The following MATN2 variants were observed in gnomAD, a reference collection of about 807,000 sequenced individuals.
The protein encoded by MATN2 is matrilin 2, also known as matrilin-2.
Under a neutral mutation model 103.2 loss-of-function variants are expected in MATN2, and 69 were observed. The observed-to-expected ratio is 0.67, with a 90% CI of 0.55 to 0.82. The LOEUF (loss-of-function observed/expected upper bound fraction) is 0.82. MATN2 is among the 40% of genes least tolerant of loss of function. The pLI is 0.00. For missense variants in MATN2, 1,023 were observed against 1,211.5 expected (o/e 0.84, Z 2.31); for synonymous variants, 429 against 450.2 (o/e 0.95, Z 0.60).
chr8:98,016,613 C>G lies in MATN2; in HGVS notation c.1647C>G (p.Cys549Trp), dbSNP rs748432482. The change falls in exon 11 of 19, where the codon TGC becomes TGG. Residue 549 changes from cysteine (C) to tryptophan (W), a missense_variant. Cys to Trp is a radical substitution (Grantham distance 215). Transcript: ENST00000254898. ...TAAGCAGTGAAGATTCGTTTGTGTG[C>G]CAGTGCTTTGAAGGTTATATACTCC... ...SCVSSEDSFV[C>W]QCFEGYILRE... 1 of 1,611,940 alleles carries G rather than the reference C, an allele frequency of 6.2e-7. No homozygotes were observed. Among genetic ancestry groups the G allele is most frequent in the African/African-American group, 1.3e-5 (1 of 74,874 alleles).
At chr8:98,028,690 T>C (rs1301872682) in intron 14 of MATN2, among the ~76,000 whole-genome samples, 1 of 152,054 alleles carries the variant, frequency 6.6e-6, no homozygotes, top group African/African-American at 2.4e-5. Flanking sequence ...AGGTTCACGC[T>C]ATTCTCCTGC....
chr8:97,883,146 A>G (rs1185404439), intron 1 of MATN2, among the ~76,000 whole-genome samples: 1 of 151,940 alleles, frequency 6.6e-6, no homozygotes, highest in Non-Finnish European at 1.5e-5. Flanking sequence ...TCTACTAAAA[A>G]TACAAAAATT....
At position 98,026,055 on chromosome 8, in the gene MATN2, T is replaced by G. The variant is rs141912515; in HGVS notation, c.1943-1361T>G. 7.2e-3 allele frequency among the ~76,000 whole-genome samples: 1,086 copies of G among 151,860 alleles called. 12 individuals carry two copies. The highest frequency in any genetic ancestry group is 0.055 in the Middle Eastern group (16 of 292). The stretch of plus-strand genomic sequence containing the variant: ...CTAGCCAGGCATGGTAGCGTGTGCC[T>G]GTAATCCCGGCTACTTGGGAGGTTG... On this transcript the variant is annotated intron_variant, in intron 13 of 18. Coordinates refer to ENST00000254898, the MANE Select transcript of MATN2 (RefSeq NM_002380.5).
At chr8:97,940,211 A>G (rs1810508241) in intron 3 of MATN2, among the ~76,000 whole-genome samples, 1 of 152,184 alleles carries the variant, frequency 6.6e-6, no homozygotes, top group Middle Eastern at 3.2e-3. Flanking sequence ...AGGCTGATGT[A>G]GGAGAATCGC....
At chr8:97,969,748 C>T (rs1811596189) in intron 5 of MATN2, among the ~76,000 whole-genome samples, 1 of 152,182 alleles carries the variant, frequency 6.6e-6, no homozygotes, top group African/African-American at 2.4e-5. Context: ...CACAGATTCA[C>T]CGCTGCAAAC....
intron 7 of MATN2, among the ~76,000 whole-genome samples, chr8:97,998,854 T>TA (rs1414956994): frequency 6.6e-6 from 1 of 152,168 alleles, no homozygotes; most frequent in African/African-American, 2.4e-5. Context: ...ATATATAACA[T>TA]AAAATGTACC....
chr8:97,902,569 A>G (rs554579171), intron 2 of MATN2, among the ~76,000 whole-genome samples: 8 of 152,120 alleles, frequency 5.3e-5, no homozygotes, highest in African/African-American at 1.9e-4. Context: ...ATTCTCATAG[A>G]TCACAAAGCT....
At chr8:97,951,447 C>T (rs1810948941) in intron 4 of MATN2, among the ~76,000 whole-genome samples, 2 of 152,046 alleles carry the variant, frequency 1.3e-5, no homozygotes, top group Non-Finnish European at 2.9e-5. Context: ...GTGTGGTCCC[C>T]CCGGAAAACA....
Position 97,894,600 on chromosome 8 carries a change from G to A in MATN2, c.142+6358G>A, listed in dbSNP as rs189124915. On this transcript the variant is annotated intron_variant, in intron 2 of 18. Transcript: ENST00000254898. ...GCCTCCCAAAGTGTTGGGATTACAA[G>A]TGTGAACCATTCCTCCTGGCAGAAT... Among the ~76,000 whole-genome samples the A allele has an allele frequency of 1.3e-4, 20 of 152,222 alleles. No homozygotes were observed. The East Asian group carries it at 3.7e-3, about 28-fold the overall frequency.
intron 1 of MATN2, among the ~76,000 whole-genome samples, chr8:97,874,120 T>A (rs778068110): frequency 6.6e-6 from 1 of 152,228 alleles, no homozygotes; most frequent in Non-Finnish European, 1.5e-5. Context: ...ACGGTGTCTG[T>A]ACTAGTTTCC....
chr8:97,897,481 C>G (rs1045603281), intron 2 of MATN2, among the ~76,000 whole-genome samples: 2 of 152,226 alleles, frequency 1.3e-5, no homozygotes, highest in Admixed American at 1.3e-4. Flanking sequence ...CAGCCTCTTA[C>G]AGCACAGCAG....
intron 4 of MATN2, among the ~76,000 whole-genome samples, chr8:97,956,966 T>C (rs750622182): frequency 6.6e-6 from 1 of 152,232 alleles, no homozygotes; most frequent in East Asian, 1.9e-4. Flanking sequence ...ACCAAATACA[T>C]GTGCTAGGAC....
intron 12 of MATN2, among the ~76,000 whole-genome samples, chr8:98,019,647 C>T (rs957055589): frequency 3.3e-5 from 5 of 152,152 alleles, no homozygotes; most frequent in African/African-American, 4.8e-5. Flanking sequence ...GGATGTCATA[C>T]GAGCTCAGTG....
chr8:98,027,806 G>A lies in MATN2; in HGVS notation c.2333G>A (p.Trp778Ter). The A allele has an allele frequency of 6.3e-7, 1 of 1,580,970 alleles. No individual in the cohort carries two copies. Among genetic ancestry groups the A allele is most frequent in the Non-Finnish European group, 8.6e-7 (1 of 1,165,304 alleles). ...DGRAQDDVSE[W>*]ASKAKANGIT... ...CGGGCTCAGGATGACGTCTCCGAGT[G>A]GGCCAGTAAAGCCAAGGCCAATGGT... is the stretch of plus-strand genomic sequence containing the variant. The change falls in exon 14 of 19, where the codon TGG (tryptophan) becomes TAG (stop). Residue 778 changes from tryptophan (W) to a stop codon, truncating the protein, a stop_gained. Coordinates refer to ENST00000254898, the MANE Select transcript of MATN2 (RefSeq NM_002380.5). LOFTEE classifies it high-confidence loss of function.
intron 1 of MATN2, among the ~76,000 whole-genome samples, chr8:97,869,596 C>T (rs151210162): frequency 8.2e-4 from 125 of 152,334 alleles, no homozygotes; most frequent in Middle Eastern, 3.4e-3. Context: ...AGCGGGGACG[C>T]CCAGACCCCG....
At chr8:97,946,939 T>C (rs766640336) in intron 4 of MATN2, among the ~76,000 whole-genome samples, 55 of 152,228 alleles carry the variant, frequency 3.6e-4, no homozygotes, top group Non-Finnish European at 3.5e-4. Context: ...CAACATTCTT[T>C]GTGAATTTAG....
At chr8:97,942,276 A>G (rs1810594326) in intron 4 of MATN2, among the ~76,000 whole-genome samples, 1 of 152,200 alleles carries the variant, frequency 6.6e-6, no homozygotes, top group East Asian at 1.9e-4. Context: ...ATTATCTTCT[A>G]TAAAGTGTGG....
At chr8:97,910,455 G>T (rs1809373435) in intron 2 of MATN2, among the ~76,000 whole-genome samples, 1 of 152,160 alleles carries the variant, frequency 6.6e-6, no homozygotes, top group Admixed American at 6.5e-5. Flanking sequence ...CCATCATCCA[G>T]GGGAGGGATG....
intron 2 of MATN2, among the ~76,000 whole-genome samples, chr8:97,906,445 A>G (rs1819173782): frequency 6.6e-6 from 1 of 152,130 alleles, no homozygotes; most frequent in Admixed American, 6.6e-5. Flanking sequence ...CTGGGTCTCA[A>G]AGGAGCCCTT....
Sources: gnomAD v4.1 joint callset for allele counts (sites outside exome capture counted in the v4.1 genomes callset) on GRCh38, gnomAD v4.1.1 for gene constraint, MANE v1.5 for transcripts, NCBI Gene and HGNC (gene_info 2026-07-23, HGNC 2026-07-21) for gene names.